The following HPF1 variants were observed in gnomAD, a reference collection of about 807,000 sequenced individuals.
HPF1 encodes the protein UPF0609 protein C4orf27.
In HPF1, 35 loss-of-function variants were observed where a neutral mutation model predicts 38.8. That is an observed-to-expected ratio of 0.90 (90% CI 0.69 to 1.19). The LOEUF (loss-of-function observed/expected upper bound fraction) is 1.19, where lower values mean the gene tolerates loss of function less well. HPF1 is among the 50% of genes most tolerant of loss of function. HPF1 has a pLI of 0.00. For missense variants in HPF1, 367 were observed against 405.8 expected, an observed-to-expected ratio of 0.90 and a Z score of 0.82; for synonymous variants, 115 against 139.2, an observed-to-expected ratio of 0.83 and a Z score of 1.22.
intron 5 of HPF1, among the ~76,000 whole-genome samples, chr4:169,738,475 A>G (rs1438249978): frequency 6.6e-6 from 1 of 152,090 alleles, no homozygotes; most frequent in Non-Finnish European, 1.5e-5. Context: ...TGTGCAATTC[A>G]GTGAAAAGTT....
chr4:169,747,586 G>A (rs934339451), intron 4 of HPF1, among the ~76,000 whole-genome samples: 4 of 152,192 alleles, frequency 2.6e-5, no homozygotes, highest in African/African-American at 9.7e-5. Context: ...AAACTACACA[G>A]CTGCTGACAA....
chr4:169,751,059 T>C (rs1203330458), intron 2 of HPF1, among the ~76,000 whole-genome samples: 2 of 152,122 alleles, frequency 1.3e-5, no homozygotes, highest in Non-Finnish European at 2.9e-5. Flanking sequence ...CAAATACTTG[T>C]AGTACACACA....
intron 1 of HPF1, among the ~76,000 whole-genome samples, chr4:169,755,852 C>T (rs1734182172): frequency 6.6e-6 from 1 of 152,116 alleles, no homozygotes; most frequent in Admixed American, 6.5e-5. Flanking sequence ...GAGAGGAACA[C>T]GTGTAGATGT....
intron 5 of HPF1, among the ~76,000 whole-genome samples, chr4:169,739,035 T>C (rs1733933592): frequency 6.6e-6 from 1 of 152,308 alleles, no homozygotes; most frequent in South Asian, 2.1e-4. Context: ...ATATACCTAA[T>C]GTAAATGACG....
intron 6 of HPF1, 84 bp downstream of exon 6, chr4:169,737,576 A>G (rs2150289812): frequency 1.2e-6 from 1 of 863,562 alleles, no homozygotes; most frequent in Admixed American, 1.7e-5. Context: ...AAAGGTATAT[A>G]GACATACCTA....
chr4:169,745,552 T>C (rs1213073909), intron 4 of HPF1, among the ~76,000 whole-genome samples: 2 of 152,216 alleles, frequency 1.3e-5, no homozygotes, highest in Non-Finnish European at 2.9e-5. Context: ...GGCTTTTTTT[T>C]CCCTTGAGAC....
At chr4:169,730,608 CTCAA>C (rs1733816561) in intron 7 of HPF1, among the ~76,000 whole-genome samples, 2 of 152,224 alleles carry the variant, frequency 1.3e-5, no homozygotes, top group Admixed American at 1.3e-4. Context: ...CACCCTAGAA[CTCAA>C]TCAAACTTGG....
chr4:169,737,614 C>A (rs1733914580), intron 6 of HPF1, 46 bp downstream of exon 6: 1 of 1,187,188 alleles, frequency 8.4e-7, no homozygotes, highest in African/African-American at 1.5e-5. Context: ...AACCTTTATT[C>A]ATGTGCATTA....
intron 4 of HPF1, among the ~76,000 whole-genome samples, chr4:169,744,489 T>C (rs1734021135): frequency 6.6e-6 from 1 of 152,266 alleles, no homozygotes; most frequent in African/African-American, 2.4e-5. Context: ...CATTTTGTGC[T>C]GTGACTTTAA....
intron 6 of HPF1, chr4:169,732,101 T>G: frequency 2.3e-6 from 1 of 436,056 alleles, no homozygotes; most frequent in Non-Finnish European, 4.0e-6. Context: ...TATTTCTTTA[T>G]TAACGACTAT....
intron 3 of HPF1, among the ~76,000 whole-genome samples, chr4:169,750,298 T>C (rs1734101024): frequency 6.6e-6 from 1 of 152,178 alleles, no homozygotes; most frequent in African/African-American, 2.4e-5. Context: ...AAAGAGCTCT[T>C]CTGAACCCAA....
At chr4:169,747,897 G>T (rs1206741000) in intron 4 of HPF1, among the ~76,000 whole-genome samples, 1 of 152,168 alleles carries the variant, frequency 6.6e-6, no homozygotes, top group South Asian at 2.1e-4. Context: ...AGCTTCACGG[G>T]GGCTGAGAGG....
At chr4:169,757,556 T>C (rs988211471) in intron 1 of HPF1, among the ~76,000 whole-genome samples, 1 of 152,020 alleles carries the variant, frequency 6.6e-6, no homozygotes, top group African/African-American at 2.4e-5. Flanking sequence ...CCAATCAATC[T>C]GGCTGGGCGA....
intron 4 of HPF1, among the ~76,000 whole-genome samples, chr4:169,744,948 C>CAA: frequency 1.1e-5 from 1 of 90,158 alleles, no homozygotes; most frequent in Non-Finnish European, 2.3e-5. Context: ...TTTTATAGTA[C>CAA]TGACTGTACA....
intron 6 of HPF1, among the ~76,000 whole-genome samples, chr4:169,737,095 AATG>A (rs1216975004): frequency 4.6e-5 from 7 of 152,240 alleles, no homozygotes; most frequent in African/African-American, 1.7e-4. Flanking sequence ...AGAAGCAGGC[AATG>A]GGTTAAAATT....
At chr4:169,752,048 A>T (rs1237185457) in intron 2 of HPF1, among the ~76,000 whole-genome samples, 3 of 152,138 alleles carry the variant, frequency 2.0e-5, no homozygotes, top group Non-Finnish European at 4.4e-5. Context: ...AGGGCATAAT[A>T]CTGCATTATA....
intron 3 of HPF1, among the ~76,000 whole-genome samples, chr4:169,749,490 C>T (rs1734091042): frequency 6.6e-6 from 1 of 152,024 alleles, no homozygotes; most frequent in Non-Finnish European, 1.5e-5. Context: ...CTGCTAACCC[C>T]ACACTAGTCA....
At chr4:169,748,259 G>A (rs1483296108) in intron 4 of HPF1, among the ~76,000 whole-genome samples, 3 of 152,160 alleles carry the variant, frequency 2.0e-5, no homozygotes, top group African/African-American at 7.2e-5. Flanking sequence ...AGTTACATAA[G>A]AGGTGTATTT....
chr4:169,732,135 C>T (rs935966081), intron 6 of HPF1: 5 of 244,360 alleles, frequency 2.0e-5, no homozygotes, highest in Non-Finnish European at 2.9e-5. Flanking sequence ...GTTACAGTCA[C>T]GATTTTTTTT....
Sources: gnomAD v4.1 joint callset for allele counts (sites outside exome capture counted in the v4.1 genomes callset) on GRCh38, gnomAD v4.1.1 for gene constraint, MANE v1.5 for transcripts, NCBI Gene and HGNC (gene_info 2026-07-23, HGNC 2026-07-21) for gene names.